MALRD1: variants seen among roughly 807,000 people sequenced by gnomAD.
MALRD1 encodes the protein MAM and LDL-receptor class A domain-containing protein 1.
MALRD1 carries 247 observed loss-of-function variants against 242.1 expected under a neutral mutation model. That is an observed-to-expected ratio of 1.02 (90% CI 0.92 to 1.13). MALRD1 has a LOEUF of 1.13. Among genes scored for constraint, MALRD1 ranks in the 50% most tolerant of loss-of-function variants. The pLI, the probability that MALRD1 is intolerant of heterozygous loss-of-function variation, is 0.00. For missense variants in MALRD1, 2,989 were observed against 2,533.1 expected, an observed-to-expected ratio of 1.18 and a Z score of -3.86; for synonymous variants, 995 against 866.6, an observed-to-expected ratio of 1.15 and a Z score of -2.60.
chr10:19,048,830 A>C lies in MALRD1; in HGVS notation c.-109A>C. 8.6e-6 allele frequency: 7 copies of C among 810,972 alleles called. No homozygotes were observed. The highest frequency in any genetic ancestry group is 1.2e-5 in the Non-Finnish European group (7 of 603,506). The allele number at this position is 810,972 out of a possible 1,614,324, so 50.2% of individuals were successfully genotyped here. ...TTGCAGATAGTTACCAATAGTATCC[A>C]GTTATAAGAAGCAAATCTGGGAAAG... On this transcript the variant is annotated 5_prime_UTR_variant, in exon 1 of 40. Transcript: ENST00000454679.
At chr10:19,188,366 C>G (rs914036360) in intron 14 of MALRD1, among the ~76,000 whole-genome samples, 1 of 152,072 alleles carries the variant, frequency 6.6e-6, no homozygotes, top group East Asian at 1.9e-4. Context: ...CTCAAGGAAG[C>G]AAGAATTTTC....
intron 14 of MALRD1, among the ~76,000 whole-genome samples, chr10:19,181,725 C>T (rs1835512484): frequency 6.8e-6 from 1 of 147,326 alleles, no homozygotes. Flanking sequence ...TTTAGCTACT[C>T]TTGCCACAAA....
In MALRD1 at chr10:19,049,115, G is replaced by C. The variant is rs975515895; in HGVS notation, c.177G>C (p.Gly59=). The C allele has an allele frequency of 8.1e-7, 1 of 1,233,786 alleles. No individual in the cohort carries two copies. Among genetic ancestry groups the C allele is most frequent in the Non-Finnish European group, 1.0e-6 (1 of 988,120 alleles). 76.4% of individuals were successfully genotyped at this position (1,233,786 alleles called of 1,614,324 possible). A position where few individuals can be genotyped will look rare whatever the true frequency, so the allele number is the denominator to read the frequency against. ...TTTGTGACTTCACAGATCAGTGTGG[G>C]GATAGCAGTGATGAACGGCACTGTA... ...DSICDFTDQC[G]DSSDERHCLN... The change falls in exon 1 of 40, where the codon GGG becomes GGC. Residue 59 remains glycine, a synonymous_variant. Transcript: ENST00000454679.
intron 38 of MALRD1, among the ~76,000 whole-genome samples, chr10:19,724,039 C>T (rs1589446586): frequency 6.6e-6 from 1 of 152,272 alleles, no homozygotes; most frequent in South Asian, 2.1e-4. Context: ...GCCTGGACAA[C>T]AGAGTGAGAC....
In MALRD1 at chr10:19,262,124, A is replaced by AT. The variant is rs142804939; in HGVS notation, c.3079+4357dup. Among the ~76,000 whole-genome samples, 1,389 of 152,102 alleles carry AT rather than the reference A, an allele frequency of 9.1e-3. 16 individuals carry two copies. Among genetic ancestry groups the AT allele is most frequent in the African/African-American group, 0.032 (1,314 of 41,494 alleles). On this transcript the variant is annotated intron_variant, in intron 19 of 39. Coordinates refer to ENST00000454679, the MANE Select transcript of MALRD1 (RefSeq NM_001142308.3). ...TGAGCTATGGCTTTTTTCTAATTTA[A>AT]TTTTCAAATCATTCTCAATTATGAA... is the stretch of plus-strand genomic sequence containing the variant.
chr10:19,588,842 C>T lies in MALRD1; in HGVS notation c.5681-6352C>T, dbSNP rs555753721. On this transcript the variant is annotated intron_variant, in intron 33 of 39. Transcript: ENST00000454679. ...ATTTTTAGTAGAGATAGGGTTTCACCACGCTGGCCAGGCTGATCTTGAACT... is the reference window on the plus strand; with the variant it reads ...ATTTTTAGTAGAGATAGGGTTTCACTACGCTGGCCAGGCTGATCTTGAACT... 8.3e-4 allele frequency among the ~76,000 whole-genome samples: 127 copies of T among 152,228 alleles called. 2 individuals carry two copies. In the South Asian group the frequency reaches 0.026, roughly 31 times the overall value.
rs544661343 is a variant in MALRD1 at position 19,361,457 on chromosome 10, C to G, written c.4441+9160C>G. 9.9e-5 allele frequency among the ~76,000 whole-genome samples: 15 copies of G among 152,220 alleles called. No individual in the cohort carries two copies. The South Asian group carries it at 1.7e-3, about 17-fold the overall frequency. On this transcript the variant is annotated intron_variant, in intron 26 of 39. Coordinates refer to ENST00000454679, the MANE Select transcript of MALRD1 (RefSeq NM_001142308.3). ...CTACGATTTCTTAGCTCATATTGTT[C>G]TGTGAAAAAGAGAATAATCTCTCAC... is the stretch of plus-strand genomic sequence containing the variant.
At chr10:19,449,991 G>A (rs533335852) in intron 28 of MALRD1, among the ~76,000 whole-genome samples, 1 of 152,174 alleles carries the variant, frequency 6.6e-6, no homozygotes, top group Non-Finnish European at 1.5e-5. Context: ...GATTGTTTCA[G>A]TATCTGTCAG....
In MALRD1 at chr10:19,201,080, G is replaced by A. The variant is rs78219296; in HGVS notation, c.1952-2648G>A. 0.015 allele frequency among the ~76,000 whole-genome samples: 2,319 copies of A among 152,144 alleles called. 99 individuals are homozygous for A. The East Asian group carries it at 0.18, about 12-fold the overall frequency. On this transcript the variant is annotated intron_variant, in intron 14 of 39. Coordinates refer to ENST00000454679, the MANE Select transcript of MALRD1 (RefSeq NM_001142308.3). The stretch of plus-strand genomic sequence containing the variant: ...GAAAGTCAATAATGCTTCAGAAACA[G>A]TGAAAAATCCTAGGATCTCAATTTT...
At chr10:19,721,864 AAC>A (rs1834773358) in intron 38 of MALRD1, 1 of 152,262 alleles carries the variant, frequency 6.6e-6, no homozygotes, top group Non-Finnish European at 1.5e-5. Flanking sequence ...AATGGAAAAA[AAC>A]AGAGGGCAGA....
At chr10:19,721,324 T>C (rs1834738598) in intron 38 of MALRD1, among the ~76,000 whole-genome samples, 1 of 152,304 alleles carries the variant, frequency 6.6e-6, no homozygotes, top group South Asian at 2.1e-4. Flanking sequence ...AATTGAAGAC[T>C]TTAAAATGAG....
chr10:19,614,262 G>A (rs1221786074), intron 35 of MALRD1, among the ~76,000 whole-genome samples: 1 of 151,998 alleles, frequency 6.6e-6, no homozygotes, highest in African/African-American at 2.4e-5. Flanking sequence ...GCTGAGAAGA[G>A]CAACTGGGCT....
intron 12 of MALRD1, among the ~76,000 whole-genome samples, chr10:19,164,689 C>A (rs996607753): frequency 6.6e-6 from 1 of 152,130 alleles, no homozygotes; most frequent in African/African-American, 2.4e-5. Context: ...CCTCATACAG[C>A]TCCAGGTACT....
intron 38 of MALRD1, chr10:19,710,327 CT>C (rs1834050581): frequency 6.6e-6 from 1 of 151,762 alleles, no homozygotes; most frequent in South Asian, 2.1e-4. Flanking sequence ...ATGATGAACC[CT>C]TTTTAAAAAA....
chr10:19,579,299 A>G (rs567719462), intron 33 of MALRD1, among the ~76,000 whole-genome samples: 1 of 152,298 alleles, frequency 6.6e-6, no homozygotes, highest in Admixed American at 6.5e-5. Flanking sequence ...ATGTCACTAA[A>G]TGATTTGTCT....
At chr10:19,237,033 T>C (rs940989441) in intron 18 of MALRD1, among the ~76,000 whole-genome samples, 2 of 152,030 alleles carry the variant, frequency 1.3e-5, no homozygotes, top group Non-Finnish European at 2.9e-5. Flanking sequence ...TATAGATTTA[T>C]AGGATACAAT....
chr10:19,257,003 T>G (rs181832899), intron 18 of MALRD1, among the ~76,000 whole-genome samples: 1 of 152,212 alleles, frequency 6.6e-6, no homozygotes, highest in African/African-American at 2.4e-5. Flanking sequence ...TCTGTTACAG[T>G]AAATCTCAAC....
Position 19,238,457 on chromosome 10 carries a change from A to ATGTATAT in MALRD1, c.2992-19226_2992-19225insGTATATT, listed in dbSNP as rs1179215928. Among the ~76,000 whole-genome samples the ATGTATAT allele has an allele frequency of 2.4e-4, 10 of 41,750 alleles. 1 individual carries two copies. The highest frequency in any genetic ancestry group is 3.5e-4 in the Non-Finnish European group (10 of 28,740). The allele number at this position is 41,750 out of a possible 152,430, so 27.4% of individuals were successfully genotyped here. A position where few individuals can be genotyped will look rare whatever the true frequency, so the allele number is the denominator to read the frequency against. ...TAATATATAATATACATTATATATA[A>ATGTATAT]TATATAATATAATATATAATATACA... On this transcript the variant is annotated intron_variant, in intron 18 of 39. Transcript: ENST00000454679.
chr10:19,121,670 A>T (rs1837071118), intron 5 of MALRD1, among the ~76,000 whole-genome samples: 1 of 152,174 alleles, frequency 6.6e-6, no homozygotes, highest in African/African-American at 2.4e-5. Flanking sequence ...GCAGAGATGA[A>T]ATTTCTGTCT....
Sources: gnomAD v4.1 joint callset for allele counts (sites outside exome capture counted in the v4.1 genomes callset) on GRCh38, gnomAD v4.1.1 for gene constraint, MANE v1.5 for transcripts, NCBI Gene and HGNC (gene_info 2026-07-23, HGNC 2026-07-21) for gene names.